SLC25A21: variants seen among roughly 807,000 people sequenced by gnomAD.
SLC25A21 encodes the protein mitochondrial 2-oxodicarboxylate carrier.
In SLC25A21, 47 loss-of-function variants were observed where a neutral mutation model predicts 43.8. That is an observed-to-expected ratio of 1.07 (90% confidence interval 0.85 to 1.37). The LOEUF (loss-of-function observed/expected upper bound fraction) is 1.37. SLC25A21 is among the 40% of genes most tolerant of loss of function. The pLI is 0.00. For synonymous variants in SLC25A21, 131 were observed against 121.3 expected, an observed-to-expected ratio of 1.08 and a Z score of -0.52; for missense variants, 352 against 350.2, an observed-to-expected ratio of 1.00 and a Z score of -0.04.
At chr14:36,705,035 C>T (rs973604917) in intron 7 of SLC25A21, among the ~76,000 whole-genome samples, 3 of 152,010 alleles carry the variant, frequency 2.0e-5, no homozygotes, top group Non-Finnish European at 4.4e-5. Context: ...GATAGCTGAC[C>T]TGAGTTACCG....
At chr14:36,847,803 A>G (rs774327193) in intron 2 of SLC25A21, among the ~76,000 whole-genome samples, 11 of 152,256 alleles carry the variant, frequency 7.2e-5, no homozygotes, top group Non-Finnish European at 1.6e-4. Context: ...GCAGCCTTGC[A>G]AAGGAAGTTG....
chr14:36,821,803 C>T (rs532298484), intron 2 of SLC25A21, among the ~76,000 whole-genome samples: 2 of 152,236 alleles, frequency 1.3e-5, no homozygotes, highest in East Asian at 1.9e-4. Context: ...GACGACAGTG[C>T]GAGATTCTGT....
chr14:37,071,246 TA>T (rs1278345054), intron 1 of SLC25A21, among the ~76,000 whole-genome samples: 1 of 152,220 alleles, frequency 6.6e-6, no homozygotes, highest in Non-Finnish European at 1.5e-5. Flanking sequence ...TTAAAAATGT[TA>T]AATTAATCCC....
chr14:36,781,194 T>G (rs896181490), intron 3 of SLC25A21, among the ~76,000 whole-genome samples: 5 of 152,194 alleles, frequency 3.3e-5, no homozygotes, highest in African/African-American at 1.2e-4. Flanking sequence ...ATCCCTTCAC[T>G]TTCAGCTTAT....
At chr14:37,134,005 T>TA (rs1963435117) in intron 1 of SLC25A21, among the ~76,000 whole-genome samples, 1 of 152,058 alleles carries the variant, frequency 6.6e-6, no homozygotes, top group Admixed American at 6.5e-5. Context: ...AAAAACTCAA[T>TA]ACAGTCAATG....
chr14:36,975,044 C>A (rs1467780764), intron 1 of SLC25A21, among the ~76,000 whole-genome samples: 4 of 152,140 alleles, frequency 2.6e-5, no homozygotes, highest in Admixed American at 6.5e-5. Context: ...CTCATTTAAT[C>A]CCCACAACAA....
At chr14:36,844,080 T>A (rs563015821) in intron 2 of SLC25A21, among the ~76,000 whole-genome samples, 1 of 152,170 alleles carries the variant, frequency 6.6e-6, no homozygotes, top group Non-Finnish European at 1.5e-5. Context: ...TGTGTCACAT[T>A]AGGAGGCACG....
chr14:36,963,773 C>T (rs1193286789), intron 1 of SLC25A21, among the ~76,000 whole-genome samples: 1 of 152,134 alleles, frequency 6.6e-6, no homozygotes, highest in African/African-American at 2.4e-5. Flanking sequence ...CCTCGTTACC[C>T]TGCGCAACCC....
At chr14:36,696,887 G>GT (rs1004062018) in intron 7 of SLC25A21, among the ~76,000 whole-genome samples, 7 of 152,004 alleles carry the variant, frequency 4.6e-5, no homozygotes, top group African/African-American at 1.2e-4. Context: ...TTTTTGAAGG[G>GT]TTTTTTTGTA....
At position 36,680,395 on chromosome 14, in the gene SLC25A21, T is replaced by C; in HGVS notation, c.*263A>G. ...CTATTTATTTTATGAAATAAATATATGATTTCTATGCTATTTTTCTATATT... is the reference window on the plus strand; with the variant it reads ...CTATTTATTTTATGAAATAAATATACGATTTCTATGCTATTTTTCTATATT... On this transcript the variant is annotated 3_prime_UTR_variant, in exon 10 of 10. Transcript: ENST00000331299. 3 of 1,080,930 alleles carry C rather than the reference T, an allele frequency of 2.8e-6. No individual in the cohort carries two copies. The allele number at this position is 1,080,930 out of a possible 1,614,324, so 67.0% of individuals were successfully genotyped here.
chr14:36,711,422 C>T lies in SLC25A21; in HGVS notation c.499G>A (p.Gly167Ser), dbSNP rs1019142185. The T allele has an allele frequency of 9.9e-6, 16 of 1,614,044 alleles. No individual in the cohort carries two copies. Among genetic ancestry groups the T allele is most frequent in the Non-Finnish European group, 1.4e-5 (16 of 1,180,010 alleles). The change falls in exon 7 of 10, where the codon GGC becomes AGC. Residue 167 changes from glycine (G) to serine (S), a missense_variant. Gly to Ser is a moderately conservative substitution (Grantham distance 56). Coordinates refer to ENST00000331299, the MANE Select transcript of SLC25A21 (RefSeq NM_030631.4). ...IIKKEGWGLQ[G>S]LNKGLTATLG... ...GTTGCAGTTAATCCTTTGTTGAGGC[C>T]CTGGAGTCCCCAGCCTTCCTTCTTA...
At chr14:36,751,407 C>T (rs764368315) in intron 3 of SLC25A21, among the ~76,000 whole-genome samples, 2 of 152,160 alleles carry the variant, frequency 1.3e-5, no homozygotes, top group South Asian at 4.1e-4. Context: ...AGAAGTCAGG[C>T]TTCTCTGGTG....
intron 4 of SLC25A21, among the ~76,000 whole-genome samples, chr14:36,732,390 C>T (rs1884863875): frequency 6.6e-6 from 1 of 152,056 alleles, no homozygotes; most frequent in Non-Finnish European, 1.5e-5. Context: ...AGACTGGACC[C>T]TGAAGCCGGA....
chr14:36,731,535 G>C (rs187390126), intron 4 of SLC25A21, among the ~76,000 whole-genome samples: 1 of 152,258 alleles, frequency 6.6e-6, no homozygotes, highest in Non-Finnish European at 1.5e-5. Flanking sequence ...TTTATTCCCT[G>C]TAACTTAGGT....
chr14:37,157,218 G>A (rs191855536), intron 1 of SLC25A21, among the ~76,000 whole-genome samples: 22 of 152,122 alleles, frequency 1.4e-4, no homozygotes, highest in Admixed American at 1.4e-3. Flanking sequence ...AAAATTAACT[G>A]GGCATGGTGG....
intron 2 of SLC25A21, among the ~76,000 whole-genome samples, chr14:36,850,591 T>C (rs1199589813): frequency 1.3e-5 from 2 of 152,182 alleles, no homozygotes; most frequent in Non-Finnish European, 2.9e-5. Flanking sequence ...CTTTCAAAAA[T>C]GATGTTCACC....
intron 1 of SLC25A21, among the ~76,000 whole-genome samples, chr14:36,881,307 A>C (rs1890717135): frequency 2.0e-5 from 3 of 152,032 alleles, no homozygotes; most frequent in African/African-American, 7.2e-5. Context: ...CCTAAGTCAC[A>C]AGGCTGATTT....
chr14:36,713,035 G>A (rs1439370572), intron 6 of SLC25A21, among the ~76,000 whole-genome samples: 2 of 152,122 alleles, frequency 1.3e-5, no homozygotes, highest in Admixed American at 6.5e-5. Context: ...CAGCTTTCCT[G>A]GGGGTGGGAG....
intron 7 of SLC25A21, among the ~76,000 whole-genome samples, chr14:36,694,883 CT>C (rs1351450307): frequency 1.3e-5 from 2 of 152,144 alleles, no homozygotes; most frequent in Non-Finnish European, 2.9e-5. Context: ...ATGGTAGTTT[CT>C]TTTGCCATGC....
Sources: gnomAD v4.1 joint callset for allele counts (sites outside exome capture counted in the v4.1 genomes callset) on GRCh38, gnomAD v4.1.1 for gene constraint, MANE v1.5 for transcripts, NCBI Gene and HGNC (gene_info 2026-07-23, HGNC 2026-07-21) for gene names.